The following FBN3 variants were observed in gnomAD, a reference collection of about 807,000 sequenced individuals.
FBN3 encodes fibrillin 3, also known as fibrillin-3.
FBN3 carries 234 observed loss-of-function variants against 330.1 expected under a neutral mutation model. The observed-to-expected ratio is 0.71, with a 90% CI of 0.64 to 0.79. The LOEUF is 0.79. Among genes scored for constraint, FBN3 ranks in the 30% least tolerant of loss-of-function variants. The pLI, the probability that FBN3 is intolerant of heterozygous loss-of-function variation, is 0.00. For missense variants in FBN3, 3,606 were observed against 3,886.9 expected, an observed-to-expected ratio of 0.93 and a Z score of 1.92; for synonymous variants, 1,458 against 1,517.3, an observed-to-expected ratio of 0.96 and a Z score of 0.91.
At chr19:8,075,441 C>A (rs897690137) in intron 59 of FBN3, 30 bp from the exon 60 acceptor site, 1 of 1,598,328 alleles carries the variant, frequency 6.3e-7, no homozygotes, top group Middle Eastern at 1.7e-4. Flanking sequence ...GGCAGGGTTG[C>A]CTGCTGGTTA....
At chr19:8,127,406 C>T (rs12327845) in intron 18 of FBN3, among the ~76,000 whole-genome samples, 49,960 of 152,036 alleles carry the variant, frequency 0.33, 9,459 homozygotes, top group Non-Finnish European at 0.45. Flanking sequence ...CAGAATACAT[C>T]AGTGATCAGA....
At chr19:8,143,871 G>A (rs1347693001) in intron 6 of FBN3, among the ~76,000 whole-genome samples, 1 of 149,558 alleles carries the variant, frequency 6.7e-6, no homozygotes, top group Non-Finnish European at 1.5e-5. Context: ...AGGCTGGAAT[G>A]CAGTGGCACC....
intron 13 of FBN3, 25 bp downstream of exon 13, chr19:8,135,936 G>GGGGGGGGGGGGGGGGCCCCCCCCCCCCC: frequency 5.8e-5 from 39 of 668,682 alleles, no homozygotes; most frequent in East Asian, 1.2e-4. Flanking sequence ...GGAAGCCCCT[G>GGGGGGGGGGGGGGGGCCCCCCCCCCCCC]CCCACCCGCC....
In FBN3 at chr19:8,126,818, G is replaced by A; in HGVS notation, c.2311C>T (p.Leu771=). ...TEICKDVDEC[L]SSPCVSGVCR... is the part of the protein sequence containing the mutation. Reference sequence around the variant, plus strand: ...ACGCCACTCACACACGGGCTGGACAGGCATTCGTCGACATCTGTGGGGACA... The same window carrying A: ...ACGCCACTCACACACGGGCTGGACAAGCATTCGTCGACATCTGTGGGGACA... The change falls in exon 19 of 64, where the codon CTG becomes TTG. Residue 771 remains leucine, a synonymous_variant. Coordinates refer to ENST00000600128, the MANE Select transcript of FBN3 (RefSeq NM_032447.5). 6.4e-7 allele frequency: 1 copy of A among 1,565,778 alleles called. No individual in the cohort carries two copies. Among genetic ancestry groups the A allele is most frequent in the Non-Finnish European group, 8.6e-7 (1 of 1,159,610 alleles).
chr19:8,081,582 G>C lies in FBN3; in HGVS notation c.7214-102C>G, dbSNP rs149003342. 1,354 of 1,322,166 alleles carry C rather than the reference G, an allele frequency of 1.0e-3. 14 individuals carry two copies. The African/African-American group carries it at 0.018, about 17-fold the overall frequency. The allele number at this position is 1,322,166 out of a possible 1,614,324, so 81.9% of individuals were successfully genotyped here. A position where few individuals can be genotyped will look rare whatever the true frequency, so the allele number is the denominator to read the frequency against. On this transcript the variant is annotated intron_variant, in intron 57 of 63. Coordinates refer to ENST00000600128, the MANE Select transcript of FBN3 (RefSeq NM_032447.5). ...ACCAGACCCCGACCATCTGAAATCT[G>C]TGGACTTACACAGGAATGAACACTT... is the stretch of plus-strand genomic sequence containing the variant.
At chr19:8,086,447 T>TTTATTA (rs370506683) in intron 54 of FBN3, 122 bp from the exon 55 acceptor site, 14 of 326,478 alleles carry the variant, frequency 4.3e-5, no homozygotes, top group Middle Eastern at 1.0e-3. Flanking sequence ...TTTATTTATT[T>TTTATTA]TTATTATTAT....
In FBN3 at chr19:8,117,537, G is replaced by C. The variant is rs2082734153; in HGVS notation, c.3390C>G (p.Val1130=). The C allele has an allele frequency of 1.9e-6, 3 of 1,558,092 alleles. No homozygotes were observed. The highest frequency in any genetic ancestry group is 2.6e-6 in the Non-Finnish European group (3 of 1,150,620). ...SDGLCPHGQC[V]NVIGAFQCSC... The stretch of plus-strand genomic sequence containing the variant: ...AGCACTGGAAGGCACCGATGACATT[G>C]ACACACTGGCCATGGGGACACAGGC... The change falls in exon 27 of 64, where the codon GTC becomes GTG. Residue 1130 remains valine (V), a synonymous_variant. Coordinates refer to ENST00000600128, the MANE Select transcript of FBN3 (RefSeq NM_032447.5).
chr19:8,138,458 G>C lies in FBN3; in HGVS notation c.972C>G (p.Cys324Trp), dbSNP rs1364227040. 1 of 1,613,340 alleles carries C rather than the reference G, an allele frequency of 6.2e-7. No homozygotes were observed. The stretch of plus-strand genomic sequence containing the variant: ...GCTCAGGGACCGGGCCAGCTGCCCA[G>C]CACCTGCCCCTGTCACAGCAGCACT... ...RRQCCCDRGR[C>W]WAAGPVPELC... The change falls in exon 9 of 64, where the codon TGC becomes TGG. Residue 324 changes from cysteine (C) to tryptophan (W), a missense_variant. Coordinates refer to ENST00000600128, the MANE Select transcript of FBN3 (RefSeq NM_032447.5).
Position 8,129,960 on chromosome 19 carries a change from C to T in FBN3, c.2045-595G>A, listed in dbSNP as rs1468340850. 6.6e-6 allele frequency among the ~76,000 whole-genome samples: 1 copy of T among 151,592 alleles called. No homozygotes were observed. On this transcript the variant is annotated intron_variant, in intron 16 of 63. Transcript: ENST00000600128. The surrounding 1 kb of genome is among the most constrained non-coding windows in gnomAD (Gnocchi z 4.5). ...TCGCACAGGCTGGAGTGCAGTGGTGCGATCTCGGCTCACTGCAACCTCCAC... is the reference window on the plus strand; with the variant it reads ...TCGCACAGGCTGGAGTGCAGTGGTGTGATCTCGGCTCACTGCAACCTCCAC...
chr19:8,138,271 A>C lies in FBN3; in HGVS notation c.1071T>G (p.Pro357=), dbSNP rs1599437341. ...AGCCCAGGAGGCCAGGGAAGAGGCC[A>C]GGGTGGCCGGGTAGCAGCGGCAGCC... The part of the protein sequence containing the change: ...AQRLPLLPGH[P]GLFPGLLGFG... The change falls in exon 10 of 64, where the codon CCT becomes CCG. Residue 357 remains proline, a synonymous_variant. Transcript: ENST00000600128. The C allele has an allele frequency of 1.2e-6, 2 of 1,612,660 alleles. No individual in the cohort carries two copies. The highest frequency in any genetic ancestry group is 8.5e-7 in the Non-Finnish European group (1 of 1,179,672).
chr19:8,107,324 T>C (rs2082464016), intron 37 of FBN3, among the ~76,000 whole-genome samples: 3 of 115,354 alleles, frequency 2.6e-5, no homozygotes, highest in East Asian at 3.0e-4. Flanking sequence ...GGATGGGGGA[T>C]AAATGGGTGA....
At chr19:8,126,678 C>A in intron 19 of FBN3, 35 bp downstream of exon 19, 1 of 1,586,332 alleles carries the variant, frequency 6.3e-7, no homozygotes, top group South Asian at 1.1e-5. Flanking sequence ...AGACGCCCAG[C>A]CTCTGGAACG....
At chr19:8,094,078 T>G (rs8102671) in intron 47 of FBN3, among the ~76,000 whole-genome samples, 145,862 of 152,270 alleles carry the variant, frequency 0.96, 70,151 homozygotes, top group Non-Finnish European at 1. Context: ...AGGCCAGACT[T>G]GTTAGTCCAG....
At chr19:8,104,641 T>C (rs1251880745) in intron 38 of FBN3, among the ~76,000 whole-genome samples, 1 of 152,074 alleles carries the variant, frequency 6.6e-6, no homozygotes, top group East Asian at 1.9e-4. Flanking sequence ...AAAGTATTCT[T>C]GGGGGAAAAA....
At position 8,081,059 on chromosome 19, in the gene FBN3, C is replaced by A. The variant is rs1385867093; in HGVS notation, c.7397G>T (p.Gly2466Val). Residue 2466 changes from glycine (G) to valine (V), a missense_variant, in exon 59 of 64, where the codon GGC becomes GTC. Physicochemically the swap from Gly to Val is moderately radical, Grantham distance 109. Transcript: ENST00000600128. ...GGGCGGACAGCGGCAGGTGAAGGCG[C>A]CCACAGTGTTGACACAGAGGAACTG... Reference protein sequence around the residue: ...NCQFLCVNTVGAFTCRCPPGF... With the variant: ...NCQFLCVNTVVAFTCRCPPGF... 6.2e-7 allele frequency: 1 copy of A among 1,613,492 alleles called. No individual in the cohort carries two copies. The highest frequency in any genetic ancestry group is 8.5e-7 in the Non-Finnish European group (1 of 1,179,928).
intron 13 of FBN3, 25 bp downstream of exon 13, chr19:8,135,936 G>GGGGGGGGGGGGGGGGGCGCCCCCC: frequency 1.5e-6 from 1 of 668,778 alleles, no homozygotes; most frequent in Non-Finnish European, 2.4e-6. Flanking sequence ...GGAAGCCCCT[G>GGGGGGGGGGGGGGGGGCGCCCCCC]CCCACCCGCC....
In FBN3 at chr19:8,117,521, A is replaced by G; in HGVS notation, c.3406T>C (p.Phe1136Leu). 5.8e-6 allele frequency: 9 copies of G among 1,558,864 alleles called. No individual in the cohort carries two copies. The highest frequency in any genetic ancestry group is 7.8e-6 in the Non-Finnish European group (9 of 1,150,942). The change falls in exon 27 of 64, where the codon TTC (phenylalanine) becomes CTC (leucine). Residue 1136 changes from phenylalanine to leucine, a missense_variant. Coordinates refer to ENST00000600128, the MANE Select transcript of FBN3 (RefSeq NM_032447.5). ...AAGCCGGCATGGCAGGAGCACTGGA[A>G]GGCACCGATGACATTGACACACTGG... is the stretch of plus-strand genomic sequence containing the variant. Reference protein sequence around the residue: ...HGQCVNVIGAFQCSCHAGFQS... With the variant: ...HGQCVNVIGALQCSCHAGFQS...
At chr19:8,145,206 T>G (rs2083504609) in intron 5 of FBN3, among the ~76,000 whole-genome samples, 1 of 151,952 alleles carries the variant, frequency 6.6e-6, no homozygotes, top group South Asian at 2.1e-4. Context: ...AAACCCCATC[T>G]TTACTAAAAA....
chr19:8,126,923 C>T lies in FBN3; in HGVS notation c.2297-91G>A, dbSNP rs112956247. On this transcript the variant is annotated intron_variant, in intron 18 of 63. Coordinates refer to ENST00000600128, the MANE Select transcript of FBN3 (RefSeq NM_032447.5). ...CTCCTCCCCAAGGGGCCGCCGCAAC[C>T]GGTGGCACGGGGTGCACCCAGATGC... The T allele has an allele frequency of 2.6e-4, 382 of 1,450,188 alleles. No homozygotes were observed. In the African/African-American group the frequency reaches 4.1e-3, roughly 16 times the overall value. The allele number at this position is 1,450,188 out of a possible 1,614,324, so 89.8% of individuals were successfully genotyped here.
Sources: gnomAD v4.1 joint callset for allele counts (sites outside exome capture counted in the v4.1 genomes callset) on GRCh38, gnomAD v4.1.1 for gene constraint, Gnocchi (gnomAD v3.1) non-coding constraint, MANE v1.5 for transcripts, NCBI Gene and HGNC (gene_info 2026-07-23, HGNC 2026-07-21) for gene names.